NR5A2: variants seen among roughly 807,000 people sequenced by gnomAD.
NR5A2 encodes the protein nuclear receptor subfamily 5 group A member 2.
A neutral mutation model predicts 62.7 loss-of-function variants in NR5A2; 26 were observed. The ratio of observed to expected loss-of-function variants is 0.41; its 90% CI spans 0.30 to 0.58. NR5A2 has a LOEUF of 0.58. NR5A2 is among the 20% of genes least tolerant of loss of function. NR5A2 has a pLI of 0.22. For synonymous variants in NR5A2, 246 were observed against 241.7 expected, an observed-to-expected ratio of 1.02 and a Z score of -0.16; for missense variants, 541 against 669.1, an observed-to-expected ratio of 0.81 and a Z score of 2.11.
At chr1:200,117,073 T>C (rs1309648373) in intron 6 of NR5A2, among the ~76,000 whole-genome samples, 2 of 152,214 alleles carry the variant, frequency 1.3e-5, no homozygotes, top group Non-Finnish European at 2.9e-5. Flanking sequence ...TACTTTTTCA[T>C]GATGAGTGAA....
chr1:200,108,024 A>T (rs1261697519), intron 5 of NR5A2, among the ~76,000 whole-genome samples: 1 of 152,040 alleles, frequency 6.6e-6, no homozygotes, highest in Non-Finnish European at 1.5e-5. Flanking sequence ...AAGGACAGGA[A>T]CCATCAAATG....
intron 5 of NR5A2, among the ~76,000 whole-genome samples, chr1:200,066,310 G>A (rs1663464037): frequency 6.6e-6 from 1 of 152,092 alleles, no homozygotes; most frequent in South Asian, 2.1e-4. Context: ...CAGGTTTTTG[G>A]CTTAAGCCTT....
intron 5 of NR5A2, among the ~76,000 whole-genome samples, chr1:200,067,706 C>G (rs1032096292): frequency 7.9e-5 from 12 of 152,128 alleles, no homozygotes; most frequent in African/African-American, 2.9e-4. Flanking sequence ...ATAAAATAAT[C>G]TGTACAACAG....
chr1:200,127,796 A>C (rs1666794856), intron 7 of NR5A2, among the ~76,000 whole-genome samples: 1 of 144,832 alleles, frequency 6.9e-6, no homozygotes. Flanking sequence ...AAGGTTTCAC[A>C]GGGTAGATGG....
intron 7 of NR5A2, among the ~76,000 whole-genome samples, chr1:200,134,911 T>G (rs927216712): frequency 3.3e-5 from 5 of 152,206 alleles, no homozygotes; most frequent in Non-Finnish European, 7.3e-5. Flanking sequence ...CTTCCAAAAT[T>G]AAAACTGTGC....
Position 200,174,093 on chromosome 1 carries a change from A to G in NR5A2, c.1509A>G (p.Leu503=). Residue 503 remains leucine (L), a synonymous_variant, in exon 8 of 8, where the codon CTA becomes CTG. Coordinates refer to ENST00000367362, the MANE Select transcript of NR5A2 (RefSeq NM_205860.3). ...AATTTGGACAGCTACTTCTTCGACT[A>G]CCCGAAATCCGGGCCATCAGTATGC... ...TEKFGQLLLR[L]PEIRAISMQA... The G allele has an allele frequency of 2.5e-6, 4 of 1,613,866 alleles. No individual in the cohort carries two copies. Among genetic ancestry groups the G allele is most frequent in the Non-Finnish European group, 3.4e-6 (4 of 1,179,978 alleles).
intron 7 of NR5A2, among the ~76,000 whole-genome samples, chr1:200,153,403 T>A (rs989798428): frequency 1.3e-5 from 2 of 152,222 alleles, no homozygotes; most frequent in Non-Finnish European, 2.9e-5. Flanking sequence ...TAGGAGAATG[T>A]TGGCTCTGAG....
At chr1:200,041,701 T>G (rs1372814600) in intron 2 of NR5A2, among the ~76,000 whole-genome samples, 1 of 152,192 alleles carries the variant, frequency 6.6e-6, no homozygotes, top group East Asian at 1.9e-4. Context: ...AAACGCCTAC[T>G]TCGGCTGCAC....
rs190284575 is a variant in NR5A2, at chr1:200,100,469, C to T, written c.1111-10733C>T. 1.8e-3 allele frequency among the ~76,000 whole-genome samples: 273 copies of T among 152,292 alleles called. 1 individual carries two copies. The highest frequency in any genetic ancestry group is 6.2e-3 in the African/African-American group (259 of 41,560). On this transcript the variant is annotated intron_variant, in intron 5 of 7. Transcript: ENST00000367362. The stretch of plus-strand genomic sequence containing the variant: ...AATACCAAGATGGGTGCCCAGGTCT[C>T]TGAGCTCCAAAGCTATGCATTTCCT...
rs558035425 is a variant in NR5A2, at chr1:200,087,838, G to A, written c.1111-23364G>A. 4.7e-5 allele frequency among the ~76,000 whole-genome samples: 7 copies of A among 149,896 alleles called. No homozygotes were observed. In the South Asian group the frequency reaches 1.3e-3, roughly 27 times the overall value. ...GTGATCTCGGATCACTGCAACCTCC[G>A]CCTCCTGGGTTCAAGCAATTCTCCC... On this transcript the variant is annotated intron_variant, in intron 5 of 7. Coordinates refer to ENST00000367362, the MANE Select transcript of NR5A2 (RefSeq NM_205860.3).
intron 5 of NR5A2, among the ~76,000 whole-genome samples, chr1:200,103,122 CTTTTTTTTT>C (rs10655211): frequency 1.9e-5 from 2 of 106,652 alleles, no homozygotes; most frequent in South Asian, 3.0e-4. Flanking sequence ...ATGTAAAACT[CTTTTTTTTT>C]TTTTTTTTTT....
intron 2 of NR5A2, among the ~76,000 whole-genome samples, chr1:200,042,234 AACTC>A (rs1388573806): frequency 6.6e-6 from 1 of 151,912 alleles, no homozygotes; most frequent in Non-Finnish European, 1.5e-5. Context: ...AACTCTGGCT[AACTC>A]ACTCCCCTGT....
At chr1:200,102,302 A>G (rs1303454569) in intron 5 of NR5A2, among the ~76,000 whole-genome samples, 1 of 152,180 alleles carries the variant, frequency 6.6e-6, no homozygotes, top group Admixed American at 6.5e-5. Context: ...CCTGTTCCCA[A>G]TGACTTGTCA....
chr1:200,162,320 G>A (rs1053905844), intron 7 of NR5A2, among the ~76,000 whole-genome samples: 12 of 152,146 alleles, frequency 7.9e-5, no homozygotes, highest in South Asian at 2.1e-4. Flanking sequence ...TGATATCTGC[G>A]CTGAGGCCCA....
At chr1:200,166,873 A>G (rs1415366830) in intron 7 of NR5A2, among the ~76,000 whole-genome samples, 2 of 152,248 alleles carry the variant, frequency 1.3e-5, no homozygotes, top group African/African-American at 2.4e-5. Flanking sequence ...ATGAGAAAAC[A>G]TATGTTAAAG....
rs1296574221 is a variant in NR5A2 at position 200,177,267 on chromosome 1, TTA to T, written c.*3058_*3059del. 1 of 152,654 alleles carries T rather than the reference TTA, an allele frequency of 6.6e-6. No homozygotes were observed. Among genetic ancestry groups the T allele is most frequent in the African/African-American group, 2.4e-5 (1 of 41,466 alleles). 9.5% of individuals were successfully genotyped at this position (152,654 alleles called of 1,614,324 possible). Reference sequence around the variant, plus strand: ...CCTTGGACTTGAATCCATGCAATGTTTAGAGTGTGAAGTCAGTTACTTGTTGA... The same window carrying T: ...CCTTGGACTTGAATCCATGCAATGTTGAGTGTGAAGTCAGTTACTTGTTGA... On this transcript the variant is annotated 3_prime_UTR_variant, in exon 8 of 8. Coordinates refer to ENST00000367362, the MANE Select transcript of NR5A2 (RefSeq NM_205860.3).
At chr1:200,074,169 A>G (rs921304829) in intron 5 of NR5A2, among the ~76,000 whole-genome samples, 1 of 152,238 alleles carries the variant, frequency 6.6e-6, no homozygotes. Context: ...GAAATGATTC[A>G]TGGGCATGAA....
At chr1:200,169,881 A>G (rs971164516) in intron 7 of NR5A2, among the ~76,000 whole-genome samples, 7 of 152,248 alleles carry the variant, frequency 4.6e-5, no homozygotes, top group African/African-American at 1.4e-4. Flanking sequence ...AGGAACGCAC[A>G]GAGTGCCAAA....
chr1:200,162,537 AT>A (rs1268500378), intron 7 of NR5A2, among the ~76,000 whole-genome samples: 2 of 152,192 alleles, frequency 1.3e-5, no homozygotes, highest in Non-Finnish European at 2.9e-5. Context: ...AGAGGACATA[AT>A]TGGATTCACA....
Sources: gnomAD v4.1 joint callset for allele counts (sites outside exome capture counted in the v4.1 genomes callset) on GRCh38, gnomAD v4.1.1 for gene constraint, MANE v1.5 for transcripts, NCBI Gene and HGNC (gene_info 2026-07-23, HGNC 2026-07-21) for gene names.